KHDRBS2: variants seen among roughly 807,000 people sequenced by gnomAD.
KHDRBS2 encodes the protein KH RNA binding domain containing, signal transduction associated 2.
Under a neutral mutation model 44.3 loss-of-function variants are expected in KHDRBS2, and 26 were observed. The ratio of observed to expected loss-of-function variants is 0.59; its 90% CI spans 0.43 to 0.81. The LOEUF is 0.81. Ranked by LOEUF, KHDRBS2 falls within the 40% of genes least tolerant of loss-of-function variation. The pLI, the probability that KHDRBS2 is intolerant of heterozygous loss-of-function variation, is 0.00. For missense variants in KHDRBS2, 476 were observed against 433.1 expected, an observed-to-expected ratio of 1.10 and a Z score of -0.88; for synonymous variants, 194 against 151.1, an observed-to-expected ratio of 1.28 and a Z score of -2.08.
At chr6:62,213,161 T>C (rs1043318026) in intron 1 of KHDRBS2, among the ~76,000 whole-genome samples, 3 of 152,158 alleles carry the variant, frequency 2.0e-5, no homozygotes, top group African/African-American at 7.2e-5. Context: ...TAGCTATCAA[T>C]ATAATGCTGG....
intron 6 of KHDRBS2, among the ~76,000 whole-genome samples, chr6:61,889,725 A>G (rs1583348130): frequency 6.6e-6 from 1 of 152,254 alleles, no homozygotes; most frequent in Middle Eastern, 3.4e-3. Context: ...AAATCTAATC[A>G]TGCCACTTTC....
At chr6:61,980,260 C>T (rs952440599) in intron 3 of KHDRBS2, among the ~76,000 whole-genome samples, 2 of 152,012 alleles carry the variant, frequency 1.3e-5, no homozygotes, top group East Asian at 3.9e-4. Flanking sequence ...TAGCTACCTG[C>T]TTTTTGTATT....
intron 2 of KHDRBS2, among the ~76,000 whole-genome samples, chr6:62,104,278 TA>T (rs1802608554): frequency 6.6e-6 from 1 of 151,934 alleles, no homozygotes; most frequent in African/African-American, 2.4e-5. Context: ...ACCATCTTTT[TA>T]TCATTAAATA....
intron 1 of KHDRBS2, among the ~76,000 whole-genome samples, chr6:62,220,057 A>G (rs1370464599): frequency 1.3e-5 from 2 of 151,378 alleles, no homozygotes; most frequent in Non-Finnish European, 3.0e-5. Context: ...GGAAAAAAGA[A>G]ATTTCTAGGG....
At chr6:61,928,305 C>G (rs2127364525) in intron 4 of KHDRBS2, among the ~76,000 whole-genome samples, 1 of 152,186 alleles carries the variant, frequency 6.6e-6, no homozygotes. Flanking sequence ...GTGTAAACTG[C>G]TAAGCAAAGC....
the KHDRBS2 span, among the ~76,000 whole-genome samples, chr6:61,581,992 G>T: frequency 9.0e-3 from 1,369 of 151,838 alleles, 27 homozygotes; most frequent in African/African-American, 0.032. Flanking sequence ...TAAACTTAGA[G>T]ATTTTTTAAA....
At chr6:61,905,581 A>G (rs1804826087) in intron 4 of KHDRBS2, among the ~76,000 whole-genome samples, 1 of 152,232 alleles carries the variant, frequency 6.6e-6, no homozygotes, top group Non-Finnish European at 1.5e-5. Flanking sequence ...AGTGTCAACT[A>G]CACATACTTG....
intron 2 of KHDRBS2, among the ~76,000 whole-genome samples, chr6:62,169,232 T>C (rs1209798945): frequency 1.4e-5 from 2 of 147,094 alleles, no homozygotes; most frequent in Non-Finnish European, 3.0e-5. Flanking sequence ...CACACACATA[T>C]ATATGTGTGT....
At chr6:61,900,046 A>G (rs1323462973) in intron 5 of KHDRBS2, among the ~76,000 whole-genome samples, 2 of 152,020 alleles carry the variant, frequency 1.3e-5, no homozygotes, top group East Asian at 3.9e-4. Context: ...AGCATTAGAG[A>G]GCTTATTTTT....
chr6:62,112,833 A>T (rs574396867), intron 2 of KHDRBS2, among the ~76,000 whole-genome samples: 1 of 152,154 alleles, frequency 6.6e-6, no homozygotes, highest in Non-Finnish European at 1.5e-5. Context: ...CAATTGGTGC[A>T]TCAAAATTAT....
chr6:61,875,664 C>A (rs1487767371), intron 6 of KHDRBS2, among the ~76,000 whole-genome samples: 2 of 152,056 alleles, frequency 1.3e-5, no homozygotes, highest in Non-Finnish European at 2.9e-5. Context: ...TGTGTCATGA[C>A]TACAACACAT....
intron 6 of KHDRBS2, among the ~76,000 whole-genome samples, chr6:61,864,449 G>A (rs551354455): frequency 6.6e-6 from 1 of 152,222 alleles, no homozygotes; most frequent in Non-Finnish European, 1.5e-5. Flanking sequence ...TCTCTTGTAA[G>A]GAAGGTCTTG....
the KHDRBS2 span, among the ~76,000 whole-genome samples, chr6:61,631,187 A>G: frequency 7.2e-5 from 11 of 152,020 alleles, no homozygotes; most frequent in Non-Finnish European, 5.9e-5. Context: ...TTAAACAAAC[A>G]GTTTATGAGC....
rs372833906 is a variant in KHDRBS2 at position 61,808,333 on chromosome 6, G to A, written c.811-75569C>T. ...GATACTAATCCATTAATATGAAGTT[G>A]GAGTATTCAAATGTGCCCTAAAAGA... On this transcript the variant is annotated intron_variant, in intron 6 of 8. Coordinates refer to ENST00000281156, the MANE Select transcript of KHDRBS2 (RefSeq NM_152688.4). 2.2e-3 allele frequency among the ~76,000 whole-genome samples: 342 copies of A among 152,056 alleles called. 2 individuals carry two copies. The highest frequency in any genetic ancestry group is 8.0e-3 in the African/African-American group (333 of 41,536).
At chr6:61,981,392 G>C (rs767855019) in intron 3 of KHDRBS2, among the ~76,000 whole-genome samples, 1 of 151,166 alleles carries the variant, frequency 6.6e-6, no homozygotes, top group African/African-American at 2.4e-5. Flanking sequence ...AATTTCCTAC[G>C]CTTTATGTTA....
intron 2 of KHDRBS2, among the ~76,000 whole-genome samples, chr6:62,117,820 G>C (rs1361528093): frequency 2.0e-5 from 3 of 151,908 alleles, no homozygotes; most frequent in Admixed American, 6.6e-5. Flanking sequence ...CTGTCACCCA[G>C]GCTGGAGTGC....
At chr6:61,725,514 T>A (rs757895108) in intron 7 of KHDRBS2, among the ~76,000 whole-genome samples, 1 of 152,016 alleles carries the variant, frequency 6.6e-6, no homozygotes, top group African/African-American at 2.4e-5. Context: ...AGCTGGTTTT[T>A]TGAAACCATT....
intron 2 of KHDRBS2, among the ~76,000 whole-genome samples, chr6:62,173,736 A>C (rs1820533565): frequency 6.6e-6 from 1 of 152,092 alleles, no homozygotes. Flanking sequence ...GGTAGGCTTT[A>C]TCCCTGAGAA....
At chr6:61,987,915 G>A (rs1775365225) in intron 3 of KHDRBS2, among the ~76,000 whole-genome samples, 1 of 152,056 alleles carries the variant, frequency 6.6e-6, no homozygotes, top group African/African-American at 2.4e-5. Context: ...CTATGAGAAG[G>A]GAAATCTTCA....
Sources: allele counts gnomAD v4.1 joint callset (sites outside exome capture counted in the v4.1 genomes callset), GRCh38; gene constraint gnomAD v4.1.1; transcripts MANE v1.5; gene names NCBI Gene and HGNC (gene_info 2026-07-23, HGNC 2026-07-21).